Variants in GRM7 observed in about 807,000 individuals in gnomAD.
GRM7 encodes the protein metabotropic glutamate receptor 7.
Under a neutral mutation model 84.5 loss-of-function variants are expected in GRM7, and 35 were observed. The ratio of observed to expected loss-of-function variants is 0.41; its 90% CI spans 0.32 to 0.55. The LOEUF is 0.55. GRM7 is among the 20% of genes least tolerant of loss of function. The pLI is 0.19. For synonymous variants in GRM7, 487 were observed against 455.1 expected, an observed-to-expected ratio of 1.07 and a Z score of -0.89; for missense variants, 1,003 against 1,194.6, an observed-to-expected ratio of 0.84 and a Z score of 2.36.
intron 7 of GRM7, among the ~76,000 whole-genome samples, chr3:7,567,582 C>T (rs896532792): frequency 3.3e-5 from 5 of 151,232 alleles, no homozygotes; most frequent in African/African-American, 7.3e-5. Context: ...ACCCATCTCT[C>T]CTAAAAATAC....
intron 1 of GRM7, among the ~76,000 whole-genome samples, chr3:6,918,648 T>C (rs1467885443): frequency 6.6e-6 from 1 of 152,170 alleles, no homozygotes; most frequent in Non-Finnish European, 1.5e-5. Flanking sequence ...CTGCCAAGAA[T>C]AGTTAAGTTC....
At chr3:7,716,082 G>T (rs1287803500) in intron 9 of GRM7, among the ~76,000 whole-genome samples, 1 of 152,110 alleles carries the variant, frequency 6.6e-6, no homozygotes, top group South Asian at 2.1e-4. Flanking sequence ...TTGAATGCAG[G>T]GGTATCTGAG....
chr3:6,949,960 AT>A (rs751038844), intron 1 of GRM7, among the ~76,000 whole-genome samples: 1 of 151,720 alleles, frequency 6.6e-6, no homozygotes, highest in Admixed American at 6.6e-5. Context: ...CATTCGTCTA[AT>A]TTTTTTTCAA....
chr3:7,229,485 G>A (rs1292709999), intron 2 of GRM7, among the ~76,000 whole-genome samples: 1 of 151,556 alleles, frequency 6.6e-6, no homozygotes, highest in South Asian at 2.1e-4. Context: ...AGCGCTTTAT[G>A]AGTATTACGT....
intron 4 of GRM7, among the ~76,000 whole-genome samples, chr3:7,387,628 T>A (rs895593219): frequency 1.3e-5 from 2 of 152,214 alleles, no homozygotes; most frequent in African/African-American, 4.8e-5. Context: ...GGGTCTGTAT[T>A]CTGTTCCATT....
intron 2 of GRM7, among the ~76,000 whole-genome samples, chr3:7,220,845 T>C (rs959954872): frequency 6.6e-6 from 1 of 152,188 alleles, no homozygotes; most frequent in Admixed American, 6.5e-5. Flanking sequence ...ACACTTGTAA[T>C]CCCAGCATTT....
intron 1 of GRM7, among the ~76,000 whole-genome samples, chr3:6,873,185 C>T (rs1265018456): frequency 6.6e-6 from 1 of 152,092 alleles, no homozygotes; most frequent in Non-Finnish European, 1.5e-5. Context: ...GATTCTCCCG[C>T]CTCAGTCTCC....
intron 1 of GRM7, among the ~76,000 whole-genome samples, chr3:7,082,660 A>C (rs1197559988): frequency 1.3e-5 from 2 of 151,978 alleles, no homozygotes; most frequent in East Asian, 1.9e-4. Flanking sequence ...TAAATAGAAA[A>C]CCCCCTGGAA....
chr3:7,327,581 T>C (rs1165637813), intron 4 of GRM7, among the ~76,000 whole-genome samples: 2 of 152,198 alleles, frequency 1.3e-5, no homozygotes, highest in Admixed American at 1.3e-4. Context: ...AAATTATCTT[T>C]CCACATTTGC....
intron 1 of GRM7, among the ~76,000 whole-genome samples, chr3:7,126,818 C>G (rs1201412429): frequency 6.6e-6 from 1 of 152,186 alleles, no homozygotes; most frequent in Non-Finnish European, 1.5e-5. Context: ...TCATATATCT[C>G]TATCTCCCTG....
At chr3:7,562,452 A>G (rs1231668371) in intron 7 of GRM7, among the ~76,000 whole-genome samples, 2 of 152,040 alleles carry the variant, frequency 1.3e-5, no homozygotes, top group African/African-American at 4.8e-5. Flanking sequence ...AACTCCATTA[A>G]TTGACCTCAC....
At chr3:7,251,208 A>G (rs1030125812) in intron 2 of GRM7, among the ~76,000 whole-genome samples, 1 of 152,138 alleles carries the variant, frequency 6.6e-6, no homozygotes, top group Non-Finnish European at 1.5e-5. Context: ...GCCATGGTTG[A>G]TGCAGTTCAA....
chr3:7,690,952 A>G (rs891133268), intron 9 of GRM7: 1 of 310,482 alleles, frequency 3.2e-6, no homozygotes, highest in African/African-American at 2.2e-5. Context: ...TCCCCCAATC[A>G]TTGTGAATGA....
At chr3:7,370,719 C>G (rs182125778) in intron 4 of GRM7, among the ~76,000 whole-genome samples, 21 of 152,248 alleles carry the variant, frequency 1.4e-4, no homozygotes, top group Non-Finnish European at 2.5e-4. Context: ...CCTTCCCTGC[C>G]TTCAGACCTC....
intron 2 of GRM7, among the ~76,000 whole-genome samples, chr3:7,264,608 C>T (rs1048466225): frequency 6.6e-5 from 10 of 152,210 alleles, no homozygotes; most frequent in African/African-American, 2.2e-4. Flanking sequence ...CCTCCATCTA[C>T]TCTCAATGTC....
At chr3:7,006,159 A>G (rs561743354) in intron 1 of GRM7, among the ~76,000 whole-genome samples, 1 of 152,152 alleles carries the variant, frequency 6.6e-6, no homozygotes, top group Non-Finnish European at 1.5e-5. Context: ...CTTTCCATCT[A>G]TATTTTGAAA....
chr3:6,872,462 G>A (rs753244205), intron 1 of GRM7, among the ~76,000 whole-genome samples: 11 of 151,928 alleles, frequency 7.2e-5, no homozygotes, highest in Admixed American at 1.3e-4. Flanking sequence ...GGAGAAGATC[G>A]TTGTATTTTT....
chr3:7,025,257 AC>A (rs1695938904), intron 1 of GRM7, among the ~76,000 whole-genome samples: 2 of 152,276 alleles, frequency 1.3e-5, no homozygotes, highest in Middle Eastern at 3.4e-3. Flanking sequence ...TCCACCTATG[AC>A]TTTAGTTCTC....
rs183027633 is a variant in GRM7, at chr3:7,690,789, A to G, written c.2698+10494A>G. On this transcript the variant is annotated intron_variant, in intron 9 of 9. Transcript: ENST00000357716. Reference sequence around the variant, plus strand: ...TTTGGTAAACACAAAAACATAAGCAATCAAATTGGTGGTTTTCTGACTGTT... The same window carrying G: ...TTTGGTAAACACAAAAACATAAGCAGTCAAATTGGTGGTTTTCTGACTGTT... Among the ~76,000 whole-genome samples, 426 of 152,318 alleles carry G rather than the reference A, an allele frequency of 2.8e-3. 7 individuals carry two copies. The highest frequency in any genetic ancestry group is 0.02 in the Middle Eastern group (6 of 294).
Sources: gnomAD v4.1 joint callset for allele counts (sites outside exome capture counted in the v4.1 genomes callset) on GRCh38, gnomAD v4.1.1 for gene constraint, MANE v1.5 for transcripts, NCBI Gene and HGNC (gene_info 2026-07-23, HGNC 2026-07-21) for gene names.